HNRNPM: variants seen among roughly 807,000 people sequenced by gnomAD.
The protein encoded by HNRNPM is heterogeneous nuclear ribonucleoprotein M.
A neutral mutation model predicts 73.1 loss-of-function variants in HNRNPM; 11 were observed. The ratio of observed to expected loss-of-function variants is 0.15; its 90% CI spans 0.09 to 0.25. The LOEUF (loss-of-function observed/expected upper bound fraction) is 0.25. Ranked by LOEUF, HNRNPM falls within the 10% of genes least tolerant of loss-of-function variation. HNRNPM has a pLI of 1.00. For missense variants in HNRNPM, 789 were observed against 1,067.9 expected (o/e 0.74, Z 3.64); for synonymous variants, 407 against 355.2 (o/e 1.15, Z -1.64).
At chr19:8,453,660 C>CA (rs1276825003) in intron 1 of HNRNPM, among the ~76,000 whole-genome samples, 1 of 152,110 alleles carries the variant, frequency 6.6e-6, no homozygotes, top group Non-Finnish European at 1.5e-5. Context: ...ACTGGATTCT[C>CA]ACTGGCGGGA....
Position 8,489,077 on chromosome 19 carries a change from C to G in HNRNPM, c.*223C>G. The G allele has an allele frequency of 6.4e-6, 3 of 466,176 alleles. No individual in the cohort carries two copies. In the South Asian group the frequency reaches 7.9e-5, roughly 12 times the overall value. 28.9% of individuals were successfully genotyped at this position (466,176 alleles called of 1,614,324 possible). ...TGTAGTTGTGGCATCTTGTTGACATCGAATATGACTTTGATAATAAATACC... is the reference window on the plus strand; with the variant it reads ...TGTAGTTGTGGCATCTTGTTGACATGGAATATGACTTTGATAATAAATACC... On this transcript the variant is annotated 3_prime_UTR_variant, in exon 16 of 16. Transcript: ENST00000325495.
At chr19:8,487,145 A>C (rs1433655912) in intron 15 of HNRNPM, 70 bp downstream of exon 15, 1 of 1,305,626 alleles carries the variant, frequency 7.7e-7, no homozygotes, top group South Asian at 1.2e-5. Flanking sequence ...GTCAGCAGCA[A>C]AACCTCCCTC....
rs557055489 is a variant in HNRNPM, at chr19:8,445,310, CG to C, written c.113+202del. On this transcript the variant is annotated intron_variant, in intron 1 of 15. Coordinates refer to ENST00000325495, the MANE Select transcript of HNRNPM (RefSeq NM_005968.5). ...GAGCCTCCAGAATCGTCCCCTACAC[CG>C]GGCCTCGAGCCTCGCCACCCTCAGT... is the stretch of plus-strand genomic sequence containing the variant. 9.6e-4 allele frequency: 417 copies of C among 435,074 alleles called. 1 individual carries two copies. Among genetic ancestry groups the C allele is most frequent in the African/African-American group, 7.7e-3 (377 of 49,126 alleles). 27.0% of individuals were successfully genotyped at this position (435,074 alleles called of 1,614,324 possible). A position where few individuals can be genotyped will look rare whatever the true frequency, so the allele number is the denominator to read the frequency against.
chr19:8,466,368 T>G lies in HNRNPM; in HGVS notation c.764T>G (p.Ile255Ser), dbSNP rs768730217. The change falls in exon 7 of 16, where the codon ATT (isoleucine) becomes AGT (serine). Residue 255 changes from isoleucine (I) to serine (S), a missense_variant. Ile to Ser is a moderately radical substitution (Grantham distance 142). This residue lies in a region of HNRNPM where 604 missense variants were observed against 744.0 expected (regional missense o/e 0.81). Transcript: ENST00000325495. ...GGCACTGTTACTTTTGAACAGTCCA[T>G]TGAAGCTGTGCAAGCTATATGTATC... The part of the protein sequence containing the change: ...GIGTVTFEQS[I>S]EAVQAISMFN... 1 of 1,614,154 alleles carries G rather than the reference T, an allele frequency of 6.2e-7. No homozygotes were observed.
chr19:8,467,193 A>G (rs926248758), intron 7 of HNRNPM, among the ~76,000 whole-genome samples: 3 of 152,160 alleles, frequency 2.0e-5, no homozygotes, highest in Non-Finnish European at 2.9e-5. Flanking sequence ...TGTCTTACCC[A>G]GAAAACATGG....
chr19:8,451,611 T>G (rs976183269), intron 1 of HNRNPM, among the ~76,000 whole-genome samples: 2 of 152,164 alleles, frequency 1.3e-5, no homozygotes, highest in African/African-American at 4.8e-5. Flanking sequence ...AATCATGGCT[T>G]ACTGTACCCT....
chr19:8,486,752 A>G (rs780275674), intron 14 of HNRNPM, among the ~76,000 whole-genome samples: 3 of 152,200 alleles, frequency 2.0e-5, no homozygotes, highest in Non-Finnish European at 4.4e-5. Context: ...CTTAGCCACT[A>G]TTTAGTGACT....
intron 11 of HNRNPM, 75 bp downstream of exon 11, chr19:8,473,783 G>T: frequency 1.1e-6 from 1 of 933,908 alleles, no homozygotes; most frequent in Non-Finnish European, 1.7e-6. Flanking sequence ...TTTCTTTCTT[G>T]TTTAAACCCT....
At chr19:8,469,097 A>G (rs1172187304) in intron 9 of HNRNPM, among the ~76,000 whole-genome samples, 2 of 152,220 alleles carry the variant, frequency 1.3e-5, no homozygotes, top group Non-Finnish European at 2.9e-5. Context: ...GTCCTGGGGA[A>G]GGAAGAATCA....
intron 10 of HNRNPM, 123 bp downstream of exon 10, chr19:8,471,550 T>TAGGCAGAGA (rs1970139450): frequency 6.4e-6 from 3 of 468,466 alleles, no homozygotes; most frequent in African/African-American, 2.0e-5. Context: ...ATTCCCTCCT[T>TAGGCAGAGA]ATTCATCTCT....
chr19:8,477,733 G>A (rs76713900), intron 12 of HNRNPM, among the ~76,000 whole-genome samples: 3,301 of 149,964 alleles, frequency 0.022, 138 homozygotes, highest in African/African-American at 0.077. Flanking sequence ...CCCAAACCCC[G>A]TTATGTAGAT....
intron 1 of HNRNPM, among the ~76,000 whole-genome samples, chr19:8,447,672 C>T (rs568109906): frequency 6.6e-5 from 10 of 152,154 alleles, no homozygotes; most frequent in Admixed American, 2.0e-4. Flanking sequence ...ACTATTTGAG[C>T]TCAGGAGTTC....
intron 10 of HNRNPM, among the ~76,000 whole-genome samples, chr19:8,472,409 C>G (rs1970212854): frequency 6.6e-6 from 1 of 152,108 alleles, no homozygotes; most frequent in Non-Finnish European, 1.5e-5. Flanking sequence ...TCCAGAGTCA[C>G]CCTGGGGCTG....
chr19:8,466,467 G>A (rs943902541), intron 7 of HNRNPM, 79 bp downstream of exon 7: 3 of 1,386,130 alleles, frequency 2.2e-6, no homozygotes, highest in African/African-American at 1.4e-5. Flanking sequence ...GTGTGAGGAA[G>A]AGGTGACTGT....
chr19:8,467,444 C>T (rs1300695971), intron 7 of HNRNPM, 91 bp from the exon 8 acceptor site: 12 of 847,466 alleles, frequency 1.4e-5, no homozygotes, highest in Admixed American at 3.6e-5. Context: ...CTTAGAGGGA[C>T]TGGTAGCAGT....
chr19:8,451,170 G>A (rs1455615918), intron 1 of HNRNPM, among the ~76,000 whole-genome samples: 1 of 152,028 alleles, frequency 6.6e-6, no homozygotes. Flanking sequence ...GCCTCCCAAA[G>A]TGCTGGGATT....
At chr19:8,474,945 C>T (rs970544522) in intron 12 of HNRNPM, among the ~76,000 whole-genome samples, 1 of 152,162 alleles carries the variant, frequency 6.6e-6, no homozygotes, top group Non-Finnish European at 1.5e-5. Flanking sequence ...GAACTCCTGA[C>T]TTCATGTGAT....
chr19:8,446,301 A>G (rs959017320), intron 1 of HNRNPM, among the ~76,000 whole-genome samples: 6 of 152,160 alleles, frequency 3.9e-5, no homozygotes, highest in African/African-American at 1.4e-4. Context: ...ATTAAATACT[A>G]ACTCCCTCCG....
At chr19:8,465,290 C>G (rs1427593047) in intron 5 of HNRNPM, 34 bp from the exon 6 acceptor site, 2 of 1,541,996 alleles carry the variant, frequency 1.3e-6, no homozygotes, top group Non-Finnish European at 1.8e-6. Context: ...TGTACTGGGT[C>G]AGTTAAACGT....
Sources: gnomAD v4.1 joint callset for allele counts (sites outside exome capture counted in the v4.1 genomes callset) on GRCh38, gnomAD v4.1.1 for gene constraint, gnomAD v4.1.1 regional missense constraint, MANE v1.5 for transcripts, NCBI Gene and HGNC (gene_info 2026-07-23, HGNC 2026-07-21) for gene names.